The following CDR2 variants were observed in gnomAD, a reference collection of about 807,000 sequenced individuals.
CDR2 encodes cerebellar degeneration-related protein 2.
A neutral mutation model predicts 48.4 loss-of-function variants in CDR2; 34 were observed. That is an observed-to-expected ratio of 0.70 (90% confidence interval 0.53 to 0.94). The LOEUF (loss-of-function observed/expected upper bound fraction) is 0.94, where lower values mean the gene tolerates loss of function less well. CDR2 is among the 40% of genes least tolerant of loss of function. The pLI is 0.00. For missense variants in CDR2, 498 were observed against 549.5 expected, an observed-to-expected ratio of 0.91 and a Z score of 0.94; for synonymous variants, 240 against 219.7, an observed-to-expected ratio of 1.09 and a Z score of -0.82.
At chr16:22,354,455 T>G (rs955566552) in intron 2 of CDR2, among the ~76,000 whole-genome samples, 1 of 152,246 alleles carries the variant, frequency 6.6e-6, no homozygotes, top group African/African-American at 2.4e-5. Context: ...TTCACTTTGG[T>G]ATGTTCTTAA....
rs1366170962 is a variant in CDR2, at chr16:22,374,322, T to G, written c.-13A>C. ...TTTCCGCCAGCATCTCGGCTGGGTC[T>G]TCTAGGGGCAGCGGCCCCCGCCGCC... On this transcript the variant is annotated 5_prime_UTR_variant, in exon 1 of 5. Transcript: ENST00000268383. 5 of 1,578,642 alleles carry G rather than the reference T, an allele frequency of 3.2e-6. No individual in the cohort carries two copies. Among genetic ancestry groups the G allele is most frequent in the Non-Finnish European group, 3.4e-6 (4 of 1,159,932 alleles).
chr16:22,365,012 G>C lies in CDR2; in HGVS notation c.82C>G (p.Leu28Val). ...WYDHQDLQQD[L>V]QLAAELGKTL... ...TTCCCAAGCTCAGCAGCAAGTTGAA[G>C]ATCTAGCACAACAAATGAATCTTAG... The change falls in exon 2 of 5, where the codon CTT (leucine) becomes GTT (valine). Residue 28 changes from leucine to valine, a missense_variant and splice_region_variant. Physicochemically the swap from Leu to Val is conservative, Grantham distance 32 (BLOSUM62 1). Coordinates refer to ENST00000268383, the MANE Select transcript of CDR2 (RefSeq NM_001802.2). 6.3e-7 allele frequency: 1 copy of C among 1,581,838 alleles called. No homozygotes were observed. Among genetic ancestry groups the C allele is most frequent in the Non-Finnish European group, 8.7e-7 (1 of 1,150,730 alleles).
intron 1 of CDR2, among the ~76,000 whole-genome samples, chr16:22,371,569 TAC>T (rs2049076682): frequency 6.6e-6 from 1 of 152,246 alleles, no homozygotes; most frequent in African/African-American, 2.4e-5. Flanking sequence ...GAGCAGATAA[TAC>T]ATTTTTGAGA....
chr16:22,354,070 A>G (rs1199013592), intron 2 of CDR2, among the ~76,000 whole-genome samples: 1 of 152,208 alleles, frequency 6.6e-6, no homozygotes, highest in African/African-American at 2.4e-5. Flanking sequence ...CAAACTTTAC[A>G]TGTGCTAAGA....
Position 22,347,804 on chromosome 16 carries a change from C to A in CDR2, c.526G>T (p.Val176Leu). The A allele has an allele frequency of 6.2e-7, 1 of 1,613,130 alleles. No homozygotes were observed. Among genetic ancestry groups the A allele is most frequent in the Non-Finnish European group, 8.5e-7 (1 of 1,179,776 alleles). Reference protein sequence around the residue: ...DLRQHFVYDHVFAEKITSLQG... With the variant: ...DLRQHFVYDHLFAEKITSLQG... ...AAGGAAGTGATCTTCTCAGCGAACA[C>A]ATGATCATACACGAAGTGTCTAGGG... Residue 176 changes from valine to leucine, a missense_variant, in exon 5 of 5, where the codon GTG (valine) becomes TTG (leucine). Val to Leu is a conservative substitution (Grantham distance 32). Transcript: ENST00000268383.
chr16:22,347,513 TCTCAA>T lies in CDR2; in HGVS notation c.812_816del (p.Val271GlufsTer31). 1 of 1,614,076 alleles carries T rather than the reference TCTCAA, an allele frequency of 6.2e-7. No homozygotes were observed. The highest frequency in any genetic ancestry group is 1.3e-5 in the African/African-American group (1 of 75,050). On this transcript the variant is annotated frameshift_variant, in exon 5 of 5. Coordinates refer to ENST00000268383, the MANE Select transcript of CDR2 (RefSeq NM_001802.2). LOFTEE classifies it high-confidence loss of function. ...ACATACAGAGAGTCTGGCACCAGCT[TCTCAA>T]CTCCATTCACAAATGGATGCTCTGA...
At chr16:22,353,227 A>AC (rs1298483147) in intron 2 of CDR2, among the ~76,000 whole-genome samples, 1 of 152,162 alleles carries the variant, frequency 6.6e-6, no homozygotes, top group Non-Finnish European at 1.5e-5. Flanking sequence ...CTCTATTAGG[A>AC]CACAGCTGCC....
Position 22,347,144 on chromosome 16 carries a change from A to G in CDR2, c.1186T>C (p.Ser396Pro). The change falls in exon 5 of 5, where the codon TCT becomes CCT. Residue 396 changes from serine to proline, a missense_variant. Ser to Pro is a moderately conservative substitution (Grantham distance 74, BLOSUM62 -1). Coordinates refer to ENST00000268383, the MANE Select transcript of CDR2 (RefSeq NM_001802.2). ...AKDLTGVNAQ[S>P]EPVASGWELA... ...TCCCAGCCGCTGGCAACAGGCTCAG[A>G]CTGGGCGTTCACTCCAGTCAGGTCC... The G allele has an allele frequency of 1.2e-6, 2 of 1,614,238 alleles. No homozygotes were observed. The highest frequency in any genetic ancestry group is 2.2e-5 in the South Asian group (2 of 91,090).
chr16:22,349,925 A>C, intron 2 of CDR2, 76 bp from the exon 3 acceptor site: 64 of 1,415,606 alleles, frequency 4.5e-5, no homozygotes, highest in Non-Finnish European at 6.0e-5. Context: ...GCGGTGGCTC[A>C]CGCCTGTAAT....
intron 1 of CDR2, among the ~76,000 whole-genome samples, chr16:22,372,301 T>A (rs943160257): frequency 6.6e-5 from 10 of 152,326 alleles, no homozygotes; most frequent in African/African-American, 2.4e-4. Flanking sequence ...ACAGCTGTTG[T>A]TCCTAACAAC....
At chr16:22,357,995 A>C in intron 2 of CDR2, among the ~76,000 whole-genome samples, 1 of 152,232 alleles carries the variant, frequency 6.6e-6, no homozygotes, top group Non-Finnish European at 1.5e-5. Flanking sequence ...TTAATCAGAA[A>C]AGCCCTTCAC....
chr16:22,350,962 T>C (rs1364777140), intron 2 of CDR2, among the ~76,000 whole-genome samples: 1 of 152,182 alleles, frequency 6.6e-6, no homozygotes, highest in Admixed American at 6.5e-5. Flanking sequence ...TGTGACATGT[T>C]GGTTTGCTGC....
At chr16:22,368,731 G>A (rs890823792) in intron 1 of CDR2, 1 of 152,192 alleles carries the variant, frequency 6.6e-6, no homozygotes, top group African/African-American at 2.4e-5. Context: ...GCAATTGAAA[G>A]AGAGGTCCGC....
chr16:22,359,114 C>T (rs554043859), intron 2 of CDR2, among the ~76,000 whole-genome samples: 1 of 152,124 alleles, frequency 6.6e-6, no homozygotes, highest in East Asian at 1.9e-4. Context: ...TTTTTAAAGA[C>T]TTTTTTCACT....
In CDR2 at chr16:22,374,473, G is replaced by A; in HGVS notation, c.-164C>T. 1 of 267,998 alleles carries A rather than the reference G, an allele frequency of 3.7e-6. No individual in the cohort carries two copies. Among genetic ancestry groups the A allele is most frequent in the Non-Finnish European group, 6.9e-6 (1 of 145,192 alleles). The allele number at this position is 267,998 out of a possible 1,614,324, so 16.6% of individuals were successfully genotyped here. A position where few individuals can be genotyped will look rare whatever the true frequency, so the allele number is the denominator to read the frequency against. On this transcript the variant is annotated 5_prime_UTR_variant, in exon 1 of 5. Transcript: ENST00000268383. ...CGCCTCAGCCCCGTTCCCGCCGGCG[G>A]CCGCCGACCGGCCGGCTGCCTCGAC...
chr16:22,352,054 C>G (rs963678200), intron 2 of CDR2, among the ~76,000 whole-genome samples: 3 of 152,206 alleles, frequency 2.0e-5, no homozygotes, highest in African/African-American at 7.2e-5. Context: ...GAGTTCAAGA[C>G]CAGCCTGGCC....
At chr16:22,371,038 C>G (rs1423709374) in intron 1 of CDR2, among the ~76,000 whole-genome samples, 2 of 152,052 alleles carry the variant, frequency 1.3e-5, no homozygotes, top group Admixed American at 6.6e-5. Flanking sequence ...TGGGGAAACC[C>G]CGTCTCTACT....
In CDR2 at chr16:22,349,822, G is replaced by C; in HGVS notation, c.220C>G (p.Arg74Gly). ...TTTGCATGTTGTTCGTTCATCTGCC[G>C]TAGAAGTTCCACTTGCTTCGTCAGA... The part of the protein sequence containing the change: ...EYLTKQVELL[R>G]QMNEQHAKVY... The change falls in exon 3 of 5, where the codon CGG becomes GGG. Residue 74 changes from arginine (R) to glycine (G), a missense_variant. Arg to Gly is a moderately radical substitution (Grantham distance 125, BLOSUM62 -2). Coordinates refer to ENST00000268383, the MANE Select transcript of CDR2 (RefSeq NM_001802.2). 2 of 1,614,034 alleles carry C rather than the reference G, an allele frequency of 1.2e-6. No homozygotes were observed. Among genetic ancestry groups the C allele is most frequent in the Non-Finnish European group, 1.7e-6 (2 of 1,179,936 alleles).
In CDR2 at chr16:22,374,386, C is replaced by T. The variant is rs1013992711; in HGVS notation, c.-77G>A. The T allele has an allele frequency of 1.0e-5, 10 of 983,978 alleles. No homozygotes were observed. Among genetic ancestry groups the T allele is most frequent in the Non-Finnish European group, 1.3e-5 (9 of 672,916 alleles). 61.0% of individuals were successfully genotyped at this position (983,978 alleles called of 1,614,324 possible). On this transcript the variant is annotated 5_prime_UTR_variant, in exon 1 of 5. Transcript: ENST00000268383. ...CGCTGCCCCGGGCTCTTCCCCGGCC[C>T]CTCCGCCCTCAGCCAGAGCCGCCCT...
Sources: gnomAD v4.1 joint callset for allele counts (sites outside exome capture counted in the v4.1 genomes callset) on GRCh38, gnomAD v4.1.1 for gene constraint, MANE v1.5 for transcripts, NCBI Gene and HGNC (gene_info 2026-07-23, HGNC 2026-07-21) for gene names.